FRMD5: variants seen among roughly 807,000 people sequenced by gnomAD.
FRMD5 encodes the protein FERM domain containing 5.
Under a neutral mutation model 69.0 loss-of-function variants are expected in FRMD5, and 20 were observed. The observed-to-expected ratio is 0.29, with a 90% CI of 0.20 to 0.42. The LOEUF is 0.42. Among genes scored for constraint, FRMD5 ranks in the 10% least tolerant of loss-of-function variants. The pLI is 1.00. For synonymous variants in FRMD5, 271 were observed against 260.1 expected (o/e 1.04, Z -0.40); for missense variants, 595 against 708.6 (o/e 0.84, Z 1.82).
At chr15:43,953,405 G>T (rs2090067261) in intron 1 of FRMD5, among the ~76,000 whole-genome samples, 2 of 152,142 alleles carry the variant, frequency 1.3e-5, no homozygotes, top group African/African-American at 2.4e-5. Context: ...GTGGGAGAGG[G>T]AGCAGAATTA....
chr15:44,109,085 C>T (rs1022588872), intron 1 of FRMD5, among the ~76,000 whole-genome samples: 3 of 152,084 alleles, frequency 2.0e-5, no homozygotes, highest in Non-Finnish European at 2.9e-5. Flanking sequence ...AATATGTACT[C>T]AATAAAATGT....
At chr15:43,900,908 C>G (rs1051533463) in intron 7 of FRMD5, among the ~76,000 whole-genome samples, 3 of 152,242 alleles carry the variant, frequency 2.0e-5, no homozygotes, top group Admixed American at 6.5e-5. Flanking sequence ...TGAGCCACTG[C>G]GCCCGGCATT....
chr15:43,990,016 T>G, intron 1 of FRMD5: 1 of 877,572 alleles, frequency 1.1e-6, no homozygotes, highest in Non-Finnish European at 1.9e-6. Context: ...CTGGACCTCG[T>G]TGCCCACATA....
At chr15:44,147,824 G>T (rs951814687) in intron 1 of FRMD5, among the ~76,000 whole-genome samples, 5 of 152,140 alleles carry the variant, frequency 3.3e-5, no homozygotes, top group African/African-American at 1.2e-4. Flanking sequence ...CACATTAGCA[G>T]CTGCCCATTC....
chr15:43,905,860 C>T lies in FRMD5; in HGVS notation c.519G>A (p.Arg173=). 6.2e-7 allele frequency: 1 copy of T among 1,614,200 alleles called. No individual in the cohort carries two copies. The highest frequency in any genetic ancestry group is 8.5e-7 in the Non-Finnish European group (1 of 1,180,030). Residue 173 remains arginine, a synonymous_variant, in exon 6 of 14, where the codon AGG becomes AGA. Coordinates refer to ENST00000417257, the MANE Select transcript of FRMD5 (RefSeq NM_032892.5). ...FFPKHSEKLE[R]KIAEIHKTEL... ...CCGTCTTGTGAATCTCAGCAATTTT[C>T]CTTTCCAGCTTCTCTGAATGTTTAG...
intron 1 of FRMD5, among the ~76,000 whole-genome samples, chr15:44,119,635 A>G (rs1329030517): frequency 6.6e-6 from 1 of 152,114 alleles, no homozygotes; most frequent in East Asian, 1.9e-4. Flanking sequence ...TAAAGGAGAG[A>G]AGGCAGTTTA....
intron 1 of FRMD5, among the ~76,000 whole-genome samples, chr15:44,021,702 T>C (rs1478181570): frequency 6.6e-6 from 1 of 152,122 alleles, no homozygotes; most frequent in Non-Finnish European, 1.5e-5. Context: ...CTTATATATG[T>C]AAAATGATAC....
chr15:43,956,687 G>T (rs2090121023), intron 1 of FRMD5, among the ~76,000 whole-genome samples: 1 of 152,124 alleles, frequency 6.6e-6, no homozygotes, highest in Non-Finnish European at 1.5e-5. Flanking sequence ...ACACTCCAAG[G>T]CATTAAACAA....
rs199963431 is a variant in FRMD5, at chr15:43,999,909, TTGTG to T, written c.103-75604_103-75601del. On this transcript the variant is annotated intron_variant, in intron 1 of 13. Transcript: ENST00000417257. The stretch of plus-strand genomic sequence containing the variant: ...ACATACATGATATACCATTTTATAT[TTGTG>T]TGTGTGTATGTATATATATATATAT... Among the ~76,000 whole-genome samples the T allele has an allele frequency of 4.4e-5, 6 of 137,524 alleles. 1 individual carries two copies. Among genetic ancestry groups the T allele is most frequent in the South Asian group, 4.7e-4 (2 of 4,256 alleles). The allele number at this position is 137,524 out of a possible 152,430, so 90.2% of individuals were successfully genotyped here.
chr15:44,016,239 T>C (rs1890950278), intron 1 of FRMD5, among the ~76,000 whole-genome samples: 1 of 152,166 alleles, frequency 6.6e-6, no homozygotes. Context: ...AAACTACCCA[T>C]AATATTTGAC....
At chr15:43,906,695 G>A (rs2089181133) in intron 5 of FRMD5, among the ~76,000 whole-genome samples, 1 of 151,004 alleles carries the variant, frequency 6.6e-6, no homozygotes, top group Non-Finnish European at 1.5e-5. Flanking sequence ...TCCGACTCCT[G>A]GGTTCACGCC....
chr15:43,900,907 G>A (rs933202520), intron 7 of FRMD5, among the ~76,000 whole-genome samples: 33 of 152,136 alleles, frequency 2.2e-4, no homozygotes, highest in Non-Finnish European at 2.9e-5. Context: ...GTGAGCCACT[G>A]CGCCCGGCAT....
chr15:44,111,968 C>T (rs1257838331), intron 1 of FRMD5, among the ~76,000 whole-genome samples: 6 of 151,678 alleles, frequency 4.0e-5, no homozygotes, highest in African/African-American at 1.5e-4. Context: ...CTCAGCCTCC[C>T]GAGTAGCTGG....
At chr15:43,956,947 C>T (rs890281587) in intron 1 of FRMD5, among the ~76,000 whole-genome samples, 2 of 152,148 alleles carry the variant, frequency 1.3e-5, no homozygotes, top group Non-Finnish European at 1.5e-5. Flanking sequence ...TGAAGATTTA[C>T]CATCATCTAC....
chr15:43,951,021 C>G (rs2140510789), intron 1 of FRMD5, among the ~76,000 whole-genome samples: 1 of 152,302 alleles, frequency 6.6e-6, no homozygotes. Flanking sequence ...AGAAGATCTA[C>G]AGAGGAAATG....
intron 1 of FRMD5, among the ~76,000 whole-genome samples, chr15:43,998,785 G>C (rs1011025267): frequency 6.6e-6 from 1 of 152,182 alleles, no homozygotes; most frequent in Non-Finnish European, 1.5e-5. Context: ...TTTCACATCA[G>C]GAAGTTCAGT....
At position 43,965,022 on chromosome 15, in the gene FRMD5, C is replaced by T. The variant is rs925844015; in HGVS notation, c.103-40713G>A. ...ATGGTTTGGATTGAAGGGAAGTCTC[C>T]AAAAAAGTATACTGAGGGAACTCAC... On this transcript the variant is annotated intron_variant, in intron 1 of 13. Transcript: ENST00000417257. Among the ~76,000 whole-genome samples the T allele has an allele frequency of 7.2e-5, 11 of 151,976 alleles. No homozygotes were observed. The East Asian group carries it at 2.1e-3, about 29-fold the overall frequency.
chr15:43,965,998 G>T (rs1203138381), intron 1 of FRMD5, among the ~76,000 whole-genome samples: 1 of 152,328 alleles, frequency 6.6e-6, no homozygotes, highest in East Asian at 1.9e-4. Flanking sequence ...TTCCACAAAT[G>T]TTAATGAAAG....
chr15:44,129,041 T>C lies in FRMD5; in HGVS notation c.102+65912A>G, dbSNP rs117466918. Among the ~76,000 whole-genome samples the C allele has an allele frequency of 5.3e-5, 8 of 152,248 alleles. No individual in the cohort carries two copies. In the East Asian group the frequency reaches 1.4e-3, roughly 26 times the overall value. On this transcript the variant is annotated intron_variant, in intron 1 of 13. Transcript: ENST00000417257. The stretch of plus-strand genomic sequence containing the variant: ...CTGGGCATAAAACATTTCCACATTA[T>C]AAAATCTCAGGCAAGTCCTACTTTG...
Sources: gnomAD v4.1 joint callset for allele counts (sites outside exome capture counted in the v4.1 genomes callset) on GRCh38, gnomAD v4.1.1 for gene constraint, MANE v1.5 for transcripts, NCBI Gene and HGNC (gene_info 2026-07-23, HGNC 2026-07-21) for gene names.